ZNF804B: variants seen among roughly 807,000 people sequenced by gnomAD.
ZNF804B encodes the protein zinc finger protein 804B.
A neutral mutation model predicts 101.4 loss-of-function variants in ZNF804B; 80 were observed. The ratio of observed to expected loss-of-function variants is 0.79; its 90% CI spans 0.66 to 0.95. ZNF804B has a LOEUF of 0.95. ZNF804B is among the 40% of genes least tolerant of loss of function. The probability of loss-of-function intolerance (pLI) is 0.00; values close to 1 mark genes in which losing one functional copy is unlikely to be tolerated. For synonymous variants in ZNF804B, 622 were observed against 558.8 expected (o/e 1.11, Z -1.59); for missense variants, 1,673 against 1,561.9 (o/e 1.07, Z -1.20).
At chr7:88,874,468 C>A (rs1395706342) in intron 1 of ZNF804B, among the ~76,000 whole-genome samples, 1 of 152,068 alleles carries the variant, frequency 6.6e-6, no homozygotes, top group Non-Finnish European at 1.5e-5. Flanking sequence ...TTGTTTTCTT[C>A]TCCTGCCTAA....
intron 1 of ZNF804B, among the ~76,000 whole-genome samples, chr7:89,155,005 G>A (rs1790935560): frequency 6.6e-6 from 1 of 151,804 alleles, no homozygotes; most frequent in Non-Finnish European, 1.5e-5. Flanking sequence ...AATGTGATAT[G>A]CTCCATCAAT....
intron 1 of ZNF804B, among the ~76,000 whole-genome samples, chr7:89,021,427 G>C (rs1445161598): frequency 1.3e-5 from 2 of 152,154 alleles, no homozygotes; most frequent in Non-Finnish European, 2.9e-5. Context: ...GGCCACTGTT[G>C]CTTGGTTGTC....
chr7:88,828,669 T>C (rs1197849368), intron 1 of ZNF804B, among the ~76,000 whole-genome samples: 2 of 152,146 alleles, frequency 1.3e-5, no homozygotes, highest in East Asian at 1.9e-4. Context: ...AATAAAATTA[T>C]AGAAAAATGG....
chr7:88,854,030 G>A (rs73705559), intron 1 of ZNF804B, among the ~76,000 whole-genome samples: 2,484 of 152,076 alleles, frequency 0.016, 53 homozygotes, highest in African/African-American at 0.05. Flanking sequence ...TTTTTACTGC[G>A]TTTTTCAACT....
intron 1 of ZNF804B, among the ~76,000 whole-genome samples, chr7:88,819,253 A>G (rs1430307124): frequency 6.6e-6 from 1 of 151,700 alleles, no homozygotes; most frequent in Non-Finnish European, 1.5e-5. Context: ...CCTCTTGAGT[A>G]GCTAGGACCA....
At chr7:89,264,312 A>G (rs557058424) in intron 2 of ZNF804B, among the ~76,000 whole-genome samples, 1 of 152,298 alleles carries the variant, frequency 6.6e-6, no homozygotes, top group Non-Finnish European at 1.5e-5. Context: ...TTCTGTCTTC[A>G]TTTTACAGCC....
chr7:89,320,492 G>T (rs958802864), intron 2 of ZNF804B, among the ~76,000 whole-genome samples: 1 of 151,928 alleles, frequency 6.6e-6, no homozygotes, highest in Non-Finnish European at 1.5e-5. Flanking sequence ...CAAAAAAACA[G>T]TGCCAAATAA....
At chr7:89,037,978 G>A (rs962049650) in intron 1 of ZNF804B, among the ~76,000 whole-genome samples, 1 of 152,054 alleles carries the variant, frequency 6.6e-6, no homozygotes, top group African/African-American at 2.4e-5. Flanking sequence ...GTCTCAAATG[G>A]CTGAATTTTC....
chr7:88,884,348 A>T (rs2115914227), intron 1 of ZNF804B, among the ~76,000 whole-genome samples: 1 of 151,866 alleles, frequency 6.6e-6, no homozygotes, highest in Non-Finnish European at 1.5e-5. Context: ...TGAAAAGTAC[A>T]TGTATCTTGT....
intron 2 of ZNF804B, 106 bp from the exon 3 acceptor site, chr7:89,327,237 AG>A: frequency 1.9e-6 from 2 of 1,078,980 alleles, no homozygotes; most frequent in Non-Finnish European, 2.5e-6. Context: ...CTTTCTGCCC[AG>A]AAAGTCACCT....
At chr7:88,857,873 GGGCAGT>G (rs1273542817) in intron 1 of ZNF804B, among the ~76,000 whole-genome samples, 1 of 128,706 alleles carries the variant, frequency 7.8e-6, no homozygotes, top group Non-Finnish European at 1.6e-5. Context: ...CCAGACTGGA[GGGCAGT>G]GGCACACAAT....
chr7:88,872,024 T>C (rs1293249132), intron 1 of ZNF804B, among the ~76,000 whole-genome samples: 2 of 152,156 alleles, frequency 1.3e-5, no homozygotes, highest in Non-Finnish European at 2.9e-5. Context: ...TTTTATGATT[T>C]TCCAAATGTG....
intron 1 of ZNF804B, among the ~76,000 whole-genome samples, chr7:89,193,320 G>A (rs188066160): frequency 2.8e-4 from 39 of 139,478 alleles, no homozygotes; most frequent in East Asian, 1.9e-3. Context: ...TTTTTTATTC[G>A]TATTATTATA....
intron 1 of ZNF804B, among the ~76,000 whole-genome samples, chr7:89,209,609 A>G (rs1788772837): frequency 6.6e-6 from 1 of 152,232 alleles, no homozygotes; most frequent in African/African-American, 2.4e-5. Flanking sequence ...CTAAAAGTCT[A>G]AAACTACCAT....
chr7:89,205,717 C>A (rs1788705393), intron 1 of ZNF804B, among the ~76,000 whole-genome samples: 1 of 152,138 alleles, frequency 6.6e-6, no homozygotes, highest in Admixed American at 6.5e-5. Context: ...TTTTCATGGG[C>A]AGACATTGAG....
At chr7:88,776,918 G>GT in intron 1 of ZNF804B, among the ~76,000 whole-genome samples, 1 of 152,074 alleles carries the variant, frequency 6.6e-6, no homozygotes, top group South Asian at 2.1e-4. Flanking sequence ...CCAAGTAATT[G>GT]TTTACCGATG....
chr7:89,109,428 T>A (rs1443304183), intron 1 of ZNF804B, among the ~76,000 whole-genome samples: 2 of 152,212 alleles, frequency 1.3e-5, no homozygotes, highest in African/African-American at 4.8e-5. Context: ...AATGGCTTTC[T>A]CTGCCAAGGT....
intron 1 of ZNF804B, among the ~76,000 whole-genome samples, chr7:89,196,786 C>T (rs1237294754): frequency 2.6e-5 from 4 of 151,766 alleles, no homozygotes; most frequent in Non-Finnish European, 5.9e-5. Context: ...AGGAAAAAAA[C>T]CCTATTAAAA....
At chr7:88,854,468 T>TTTCTTTCTTTCG (rs1791511907) in intron 1 of ZNF804B, among the ~76,000 whole-genome samples, 5 of 103,668 alleles carry the variant, frequency 4.8e-5, no homozygotes, top group Non-Finnish European at 9.9e-5. Context: ...TCTTTCTTTC[T>TTTCTTTCTTTCG]TTCTTTCTCT....
Sources: allele counts gnomAD v4.1 joint callset (sites outside exome capture counted in the v4.1 genomes callset), GRCh38; gene constraint gnomAD v4.1.1; transcripts MANE v1.5; gene names NCBI Gene and HGNC (gene_info 2026-07-23, HGNC 2026-07-21).